VEPH1: variants seen among roughly 807,000 people sequenced by gnomAD.
VEPH1 encodes ventricular zone-expressed PH domain-containing protein homolog 1.
VEPH1 carries 80 observed loss-of-function variants against 85.2 expected under a neutral mutation model. The observed-to-expected ratio is 0.94, with a 90% CI of 0.78 to 1.13. The LOEUF (loss-of-function observed/expected upper bound fraction) is 1.13, where lower values mean the gene tolerates loss of function less well. VEPH1 is among the 50% of genes most tolerant of loss of function. The probability of loss-of-function intolerance (pLI) is 0.00; values close to 1 mark genes in which losing one functional copy is unlikely to be tolerated. For missense variants in VEPH1, 955 were observed against 980.5 expected (o/e 0.97, Z 0.35); for synonymous variants, 297 against 348.0 (o/e 0.85, Z 1.63).
chr3:157,264,181 C>T (rs985128097), intron 13 of VEPH1, among the ~76,000 whole-genome samples: 10 of 152,194 alleles, frequency 6.6e-5, no homozygotes, highest in South Asian at 4.1e-4. Context: ...TGCATTCTCT[C>T]CTGCCTGTGG....
intron 5 of VEPH1, among the ~76,000 whole-genome samples, chr3:157,420,219 T>C (rs1441215189): frequency 6.6e-6 from 1 of 152,084 alleles, no homozygotes; most frequent in African/African-American, 2.4e-5. Context: ...GAATAGTTAA[T>C]GCATGCTTGG....
intron 11 of VEPH1, among the ~76,000 whole-genome samples, chr3:157,307,517 T>A (rs1719644437): frequency 6.6e-6 from 1 of 151,962 alleles, no homozygotes; most frequent in Admixed American, 6.5e-5. Context: ...TTTTACTTTC[T>A]CTTCGCTGAT....
At chr3:157,409,296 C>G (rs1182702670) in intron 6 of VEPH1, among the ~76,000 whole-genome samples, 1 of 152,120 alleles carries the variant, frequency 6.6e-6, no homozygotes, top group African/African-American at 2.4e-5. Context: ...TAATCAAATA[C>G]TATTTCTTAT....
At chr3:157,462,697 T>G (rs1274540869) in intron 3 of VEPH1, among the ~76,000 whole-genome samples, 2 of 152,216 alleles carry the variant, frequency 1.3e-5, no homozygotes, top group Admixed American at 1.3e-4. Context: ...TTCTCTGATC[T>G]TCATATCATC....
chr3:157,306,962 GACTT>G (rs756188372), intron 11 of VEPH1, among the ~76,000 whole-genome samples: 118 of 151,982 alleles, frequency 7.8e-4, no homozygotes, highest in Admixed American at 1.4e-3. Context: ...TTTTATTTCT[GACTT>G]ACTTCACTTA....
At chr3:157,382,729 C>A (rs1381201707) in intron 6 of VEPH1, among the ~76,000 whole-genome samples, 1 of 152,138 alleles carries the variant, frequency 6.6e-6, no homozygotes, top group African/African-American at 2.4e-5. Flanking sequence ...GCATTTGAAG[C>A]CTTAATTTCC....
chr3:157,466,576 C>A (rs1736397215), intron 3 of VEPH1, among the ~76,000 whole-genome samples: 1 of 152,134 alleles, frequency 6.6e-6, no homozygotes, highest in Admixed American at 6.5e-5. Flanking sequence ...ATAATAGTCC[C>A]GAGCAGGAGG....
intron 9 of VEPH1, among the ~76,000 whole-genome samples, chr3:157,343,021 T>C (rs1194235151): frequency 6.6e-6 from 1 of 152,166 alleles, no homozygotes; most frequent in Non-Finnish European, 1.5e-5. Flanking sequence ...GGGACACATT[T>C]AAAGCAGTGT....
chr3:157,357,493 A>G (rs1399768830), intron 9 of VEPH1, among the ~76,000 whole-genome samples: 1 of 151,796 alleles, frequency 6.6e-6, no homozygotes, highest in African/African-American at 2.4e-5. Flanking sequence ...CATTGTAAGA[A>G]ACTTTTTTTT....
At position 157,286,564 on chromosome 3, in the gene VEPH1, T is replaced by C; in HGVS notation, c.2121A>G (p.Lys707=). 6.2e-7 allele frequency: 1 copy of C among 1,613,932 alleles called. No individual in the cohort carries two copies. The highest frequency in any genetic ancestry group is 8.5e-7 in the Non-Finnish European group (1 of 1,179,806). Reference sequence around the variant, plus strand: ...CAGGTAAGGGTCTCTCACCAGTTGCTTTCTCAGGATTGTTGCACATGAAGC... The same window carrying C: ...CAGGTAAGGGTCTCTCACCAGTTGCCTTCTCAGGATTGTTGCACATGAAGC... ...WQCFMCNNPE[K]ATVVNQDGQP... The change falls in exon 12 of 14, where the codon AAA becomes AAG. Residue 707 remains lysine (K), a synonymous_variant. Transcript: ENST00000362010.
At chr3:157,452,453 C>CCTCTAATTCAACAAAAGGAAGAAATGT (rs1735051736) in intron 4 of VEPH1, among the ~76,000 whole-genome samples, 1 of 152,152 alleles carries the variant, frequency 6.6e-6, no homozygotes, top group Non-Finnish European at 1.5e-5. Context: ...AAGGGGAGAA[C>CCTCTAATTCAACAAAAGGAAGAAATGT]CTCTAATTCA....
intron 7 of VEPH1, among the ~76,000 whole-genome samples, chr3:157,372,819 G>A (rs1264413792): frequency 6.6e-6 from 1 of 152,134 alleles, no homozygotes; most frequent in Non-Finnish European, 1.5e-5. Context: ...AACGTCCACT[G>A]ATCAGGTACT....
intron 2 of VEPH1, among the ~76,000 whole-genome samples, chr3:157,486,725 C>A (rs559693289): frequency 6.6e-6 from 1 of 152,106 alleles, no homozygotes; most frequent in Non-Finnish European, 1.5e-5. Context: ...TTCTGGCACA[C>A]AATAAGTGCT....
intron 9 of VEPH1, among the ~76,000 whole-genome samples, chr3:157,344,307 G>A (rs1435041460): frequency 2.6e-5 from 4 of 152,162 alleles, no homozygotes; most frequent in Admixed American, 1.3e-4. Flanking sequence ...ATCTCCTTAA[G>A]CTGATAAGCA....
intron 2 of VEPH1, among the ~76,000 whole-genome samples, chr3:157,477,665 T>C (rs1737613105): frequency 6.6e-6 from 1 of 152,094 alleles, no homozygotes; most frequent in South Asian, 2.1e-4. Flanking sequence ...GTAGAGAGAA[T>C]GACTTATCTA....
intron 2 of VEPH1, among the ~76,000 whole-genome samples, chr3:157,484,072 A>G (rs1483480943): frequency 6.6e-6 from 1 of 152,182 alleles, no homozygotes; most frequent in Non-Finnish European, 1.5e-5. Context: ...AGGCACAGGG[A>G]AAATATTAAC....
chr3:157,349,115 G>C (rs1040812152), intron 9 of VEPH1, among the ~76,000 whole-genome samples: 1 of 152,158 alleles, frequency 6.6e-6, no homozygotes, highest in Non-Finnish European at 1.5e-5. Context: ...CCCTGATGAA[G>C]ATAGATGGAA....
chr3:157,473,677 A>AT (rs1455332923), intron 2 of VEPH1, among the ~76,000 whole-genome samples: 2 of 152,160 alleles, frequency 1.3e-5, no homozygotes, highest in Admixed American at 6.5e-5. Context: ...ATCATATAGA[A>AT]TACATCACTT....
chr3:157,453,722 C>T (rs1577694507), intron 4 of VEPH1, among the ~76,000 whole-genome samples: 1 of 152,266 alleles, frequency 6.6e-6, no homozygotes, highest in Non-Finnish European at 1.5e-5. Context: ...AATTGCAGAG[C>T]AGAAAACTTA....
Sources: gnomAD v4.1 joint callset for allele counts (sites outside exome capture counted in the v4.1 genomes callset) on GRCh38, gnomAD v4.1.1 for gene constraint, MANE v1.5 for transcripts, NCBI Gene and HGNC (gene_info 2026-07-23, HGNC 2026-07-21) for gene names.